TSHZ2: variants seen among roughly 807,000 people sequenced by gnomAD.
TSHZ2 encodes the protein teashirt zinc finger homeobox 2.
A neutral mutation model predicts 74.4 loss-of-function variants in TSHZ2; 21 were observed. The observed-to-expected ratio is 0.28, with a 90% confidence interval of 0.20 to 0.41. The LOEUF is 0.41. Among genes scored for constraint, TSHZ2 ranks in the 10% least tolerant of loss-of-function variants. The probability of loss-of-function intolerance (pLI) is 1.00; values close to 1 mark genes in which losing one functional copy is unlikely to be tolerated. For missense variants in TSHZ2, 1,244 were observed against 1,293.5 expected, an observed-to-expected ratio of 0.96 and a Z score of 0.59; for synonymous variants, 540 against 515.3, an observed-to-expected ratio of 1.05 and a Z score of -0.65.
chr20:53,383,348 CT>C (rs1981928337), intron 2 of TSHZ2, among the ~76,000 whole-genome samples: 2 of 152,132 alleles, frequency 1.3e-5, no homozygotes, highest in Non-Finnish European at 2.9e-5. Context: ...TATTGGTAGT[CT>C]GTCATTAGCC....
chr20:53,036,812 ATAAC>A (rs922194545), intron 1 of TSHZ2, among the ~76,000 whole-genome samples: 5 of 149,176 alleles, frequency 3.4e-5, no homozygotes, highest in Non-Finnish European at 5.9e-5. Flanking sequence ...ATATTCATAT[ATAAC>A]AAACATTATT....
intron 2 of TSHZ2, among the ~76,000 whole-genome samples, chr20:53,337,345 T>C (rs1979993645): frequency 1.3e-5 from 2 of 152,378 alleles, no homozygotes; most frequent in East Asian, 3.9e-4. Flanking sequence ...TGCCTTGCCA[T>C]GTTGACACAT....
chr20:53,117,229 C>T (rs1336895960), intron 1 of TSHZ2, among the ~76,000 whole-genome samples: 1 of 152,174 alleles, frequency 6.6e-6, no homozygotes, highest in African/African-American at 2.4e-5. Flanking sequence ...CAGTTCTTAA[C>T]ACCTAGTAAG....
intron 1 of TSHZ2, among the ~76,000 whole-genome samples, chr20:53,044,635 T>G (rs182293210): frequency 6.6e-6 from 1 of 152,222 alleles, no homozygotes; most frequent in Non-Finnish European, 1.5e-5. Flanking sequence ...AGTCACAGAG[T>G]TCTTGGACCC....
chr20:53,467,447 A>C (rs1985595490), intron 2 of TSHZ2, among the ~76,000 whole-genome samples: 1 of 152,224 alleles, frequency 6.6e-6, no homozygotes, highest in Admixed American at 6.5e-5. Flanking sequence ...GTTTTAAGAT[A>C]CTGTACTATA....
At chr20:53,082,498 C>T (rs1291813962) in intron 1 of TSHZ2, among the ~76,000 whole-genome samples, 1 of 152,220 alleles carries the variant, frequency 6.6e-6, no homozygotes, top group Non-Finnish European at 1.5e-5. Context: ...AGATAGTCAT[C>T]TCCATTTTAG....
intron 2 of TSHZ2, among the ~76,000 whole-genome samples, chr20:53,324,815 A>G (rs1174491072): frequency 6.6e-6 from 1 of 152,142 alleles, no homozygotes; most frequent in African/African-American, 2.4e-5. Context: ...ATTCTCCTCT[A>G]TTAGATCAAG....
intron 2 of TSHZ2, among the ~76,000 whole-genome samples, chr20:53,314,796 A>G (rs562126836): frequency 1.3e-5 from 2 of 151,798 alleles, no homozygotes; most frequent in Admixed American, 1.3e-4. Context: ...TAATTTTTGT[A>G]TTTTTAGTAG....
intron 1 of TSHZ2, among the ~76,000 whole-genome samples, chr20:53,110,307 C>T (rs1476042358): frequency 6.6e-6 from 1 of 152,042 alleles, no homozygotes; most frequent in Non-Finnish European, 1.5e-5. Flanking sequence ...CCACCGTGAC[C>T]CTCATGCCCA....
intron 1 of TSHZ2, among the ~76,000 whole-genome samples, chr20:52,980,874 A>G (rs146033315): frequency 6.6e-6 from 1 of 152,286 alleles, no homozygotes; most frequent in Non-Finnish European, 1.5e-5. Flanking sequence ...CACAGGGCTT[A>G]CTTTAAATCA....
chr20:53,102,745 C>T (rs563650789), intron 1 of TSHZ2, among the ~76,000 whole-genome samples: 20 of 152,204 alleles, frequency 1.3e-4, no homozygotes, highest in African/African-American at 2.2e-4. Flanking sequence ...TATGGTAGAA[C>T]GGAAGAATAT....
chr20:53,372,521 A>G (rs995084298), intron 2 of TSHZ2, among the ~76,000 whole-genome samples: 1 of 151,662 alleles, frequency 6.6e-6, no homozygotes, highest in Non-Finnish European at 1.5e-5. Flanking sequence ...AGAAGGAAGG[A>G]AGGGAGGGAG....
intron 2 of TSHZ2, among the ~76,000 whole-genome samples, chr20:53,430,617 C>A (rs907840881): frequency 2.0e-5 from 3 of 151,450 alleles, no homozygotes; most frequent in African/African-American, 7.3e-5. Flanking sequence ...CTCACTTGAG[C>A]CCAGGAATTC....
At chr20:53,294,747 CT>C (rs1389641095) in intron 2 of TSHZ2, among the ~76,000 whole-genome samples, 1 of 152,180 alleles carries the variant, frequency 6.6e-6, no homozygotes, top group Non-Finnish European at 1.5e-5. Context: ...GGGTTTAAGT[CT>C]TTCTGATCTT....
intron 1 of TSHZ2, among the ~76,000 whole-genome samples, chr20:53,018,589 G>A (rs1983124756): frequency 6.6e-6 from 1 of 152,220 alleles, no homozygotes; most frequent in South Asian, 2.1e-4. Flanking sequence ...TGAAAGTGAT[G>A]ACTTTGCCTT....
At chr20:53,382,417 C>T (rs147962030) in intron 2 of TSHZ2, among the ~76,000 whole-genome samples, 70 of 152,278 alleles carry the variant, frequency 4.6e-4, no homozygotes, top group Non-Finnish European at 8.2e-4. Flanking sequence ...GACTATCTCC[C>T]GTCCAAACAA....
chr20:53,037,449 T>A (rs1031417919), intron 1 of TSHZ2, among the ~76,000 whole-genome samples: 1 of 152,192 alleles, frequency 6.6e-6, no homozygotes, highest in Non-Finnish European at 1.5e-5. Context: ...CAAACAAAAA[T>A]ACATTTCTTT....
chr20:53,474,178 G>A (rs1217018557), intron 2 of TSHZ2, among the ~76,000 whole-genome samples: 1 of 148,636 alleles, frequency 6.7e-6, no homozygotes, highest in Non-Finnish European at 1.5e-5. Context: ...TACTCCTCGA[G>A]AAGAGCAACT....
intron 2 of TSHZ2, among the ~76,000 whole-genome samples, chr20:53,413,149 A>G (rs1983113237): frequency 6.6e-6 from 1 of 152,164 alleles, no homozygotes; most frequent in Admixed American, 6.5e-5. Flanking sequence ...GATCCTTTAG[A>G]GTTCTGGGAG....
Sources: allele counts gnomAD v4.1 joint callset (sites outside exome capture counted in the v4.1 genomes callset), GRCh38; gene constraint gnomAD v4.1.1; transcripts MANE v1.5; gene names NCBI Gene and HGNC (gene_info 2026-07-23, HGNC 2026-07-21).